Variants in NAV3 observed in about 807,000 individuals in gnomAD.
NAV3 encodes neuron navigator 3.
Under a neutral mutation model 244.7 loss-of-function variants are expected in NAV3, and 87 were observed. That is an observed-to-expected ratio of 0.36 (90% CI 0.30 to 0.42). The LOEUF is 0.42. NAV3 is among the 20% of genes least tolerant of loss of function. The pLI is 1.00. For missense variants in NAV3, 2,663 were observed against 2,893.3 expected (o/e 0.92, Z 1.83); for synonymous variants, 1,126 against 1,042.2 (o/e 1.08, Z -1.55).
intron 9 of NAV3, among the ~76,000 whole-genome samples, chr12:78,026,868 C>T (rs1445149218): frequency 6.6e-6 from 1 of 151,990 alleles, no homozygotes; most frequent in East Asian, 1.9e-4. Flanking sequence ...AAAAAAGGAA[C>T]CTAATAATTT....
intron 2 of NAV3, among the ~76,000 whole-genome samples, chr12:77,685,473 GCACA>G (rs778398842): frequency 1.0e-3 from 44 of 42,590 alleles, no homozygotes; most frequent in South Asian, 2.0e-3. Flanking sequence ...GCATACACAT[GCACA>G]CACACACACA....
intron 2 of NAV3, among the ~76,000 whole-genome samples, chr12:77,627,295 C>A (rs959388773): frequency 1.3e-5 from 2 of 152,058 alleles, no homozygotes; most frequent in Non-Finnish European, 2.9e-5. Context: ...ACATATGTCC[C>A]ACTATATGAA....
chr12:78,204,182 C>T (rs1362277716), intron 38 of NAV3, among the ~76,000 whole-genome samples: 1 of 148,870 alleles, frequency 6.7e-6, no homozygotes, highest in African/African-American at 2.5e-5. Context: ...GGAAGGGGAA[C>T]ATCACACTCC....
At chr12:78,206,217 C>T (rs1023589013) in intron 39 of NAV3, among the ~76,000 whole-genome samples, 2 of 152,076 alleles carry the variant, frequency 1.3e-5, no homozygotes, top group Non-Finnish European at 2.9e-5. Context: ...GATTTCTGAT[C>T]TAGGCGATAT....
At chr12:77,719,088 G>A (rs1876495613) in intron 2 of NAV3, among the ~76,000 whole-genome samples, 1 of 152,060 alleles carries the variant, frequency 6.6e-6, no homozygotes, top group Non-Finnish European at 1.5e-5. Context: ...TATTGTAAAT[G>A]GTGTTGCTTT....
At chr12:77,768,380 AG>A (rs990970938) in intron 2 of NAV3, among the ~76,000 whole-genome samples, 24 of 152,148 alleles carry the variant, frequency 1.6e-4, no homozygotes, top group Non-Finnish European at 2.8e-4. Flanking sequence ...CATGTCATCC[AG>A]GGTGCCCAGG....
chr12:77,723,421 A>G (rs1876730152), intron 2 of NAV3, among the ~76,000 whole-genome samples: 1 of 152,036 alleles, frequency 6.6e-6, no homozygotes, highest in Non-Finnish European at 1.5e-5. Context: ...AGAGGTTGGC[A>G]TGCTGCTTAG....
intron 2 of NAV3, among the ~76,000 whole-genome samples, chr12:77,733,902 T>C (rs1026018287): frequency 6.8e-6 from 1 of 147,418 alleles, no homozygotes; most frequent in Non-Finnish European, 1.5e-5. Flanking sequence ...TCTAAATAAA[T>C]GAGAGGTGAG....
intron 19 of NAV3, 115 bp from the exon 20 acceptor site, chr12:78,140,167 T>G (rs1027915168): frequency 4.9e-6 from 4 of 815,148 alleles, no homozygotes; most frequent in African/African-American, 1.7e-5. Context: ...AATCTTATAG[T>G]TAGTTGTTAT....
At chr12:77,816,918 A>G (rs1402314) in intron 2 of NAV3, among the ~76,000 whole-genome samples, 105,776 of 152,092 alleles carry the variant, frequency 0.7, 37,177 homozygotes, top group African/African-American at 0.8. Flanking sequence ...TTCAGAGAGA[A>G]CAGTAAAGTG....
intron 2 of NAV3, among the ~76,000 whole-genome samples, chr12:77,681,442 A>G (rs1874453143): frequency 6.6e-6 from 1 of 152,214 alleles, no homozygotes; most frequent in African/African-American, 2.4e-5. Flanking sequence ...GCCGAATGAC[A>G]GTAGTCACTA....
chr12:77,960,227 T>G (rs1326490621), intron 3 of NAV3, among the ~76,000 whole-genome samples: 1 of 151,842 alleles, frequency 6.6e-6, no homozygotes, highest in Non-Finnish European at 1.5e-5. Context: ...ATAATTAATT[T>G]GACTACTAAT....
chr12:78,090,007 G>C (rs1296959983), intron 12 of NAV3, among the ~76,000 whole-genome samples: 1 of 151,830 alleles, frequency 6.6e-6, no homozygotes, highest in African/African-American at 2.4e-5. Flanking sequence ...ATATGATCTT[G>C]TTTGCATATT....
intron 20 of NAV3, among the ~76,000 whole-genome samples, chr12:78,146,153 A>G (rs986833446): frequency 4.6e-5 from 7 of 152,198 alleles, no homozygotes; most frequent in Middle Eastern, 6.8e-3. Flanking sequence ...CCTATATTTT[A>G]AGAATACCTT....
intron 11 of NAV3, 118 bp from the exon 12 acceptor site, chr12:78,058,878 G>A: frequency 3.7e-6 from 3 of 808,086 alleles, no homozygotes; most frequent in Non-Finnish European, 5.3e-6. Context: ...TAAAAAACAA[G>A]ATAATAGAAT....
chr12:78,156,516 C>G (rs1331616304), intron 22 of NAV3, among the ~76,000 whole-genome samples: 1 of 152,020 alleles, frequency 6.6e-6, no homozygotes, highest in African/African-American at 2.4e-5. Flanking sequence ...CTTTGTCAAA[C>G]TTTAATTCAT....
At chr12:78,078,439 A>G (rs1202422172) in intron 12 of NAV3, among the ~76,000 whole-genome samples, 2 of 113,172 alleles carry the variant, frequency 1.8e-5, no homozygotes, top group East Asian at 3.0e-4. Flanking sequence ...TCTGTCGCCC[A>G]GGCTGGAGTG....
At chr12:78,077,028 A>G (rs1953085370) in intron 12 of NAV3, among the ~76,000 whole-genome samples, 1 of 152,168 alleles carries the variant, frequency 6.6e-6, no homozygotes, top group African/African-American at 2.4e-5. Flanking sequence ...AAATGTGTTG[A>G]GTGAAATGAT....
At chr12:77,830,551 A>G (rs1261924273), upstream of NAV3, among the ~76,000 whole-genome samples, 12 of 152,232 alleles carry the variant, frequency 7.9e-5, no homozygotes. Context: ...GGGAACAATG[A>G]TTACTACATA....
Sources: allele counts gnomAD v4.1 joint callset (sites outside exome capture counted in the v4.1 genomes callset), GRCh38; gene constraint gnomAD v4.1.1; transcripts MANE v1.5; gene names NCBI Gene and HGNC (gene_info 2026-07-23, HGNC 2026-07-21).